The following PKD1 variants were observed in gnomAD, a reference collection of about 807,000 sequenced individuals.
PKD1 encodes the protein polycystin-1.
A neutral mutation model predicts 361.7 loss-of-function variants in PKD1; 81 were observed. The observed-to-expected ratio is 0.22, with a 90% CI of 0.19 to 0.27. PKD1 has a LOEUF of 0.27. PKD1 is among the 10% of genes least tolerant of loss of function. The pLI is 1.00. For synonymous variants in PKD1, 3,615 were observed against 2,818.3 expected, an observed-to-expected ratio of 1.28 and a Z score of -8.95; for missense variants, 6,399 against 6,118.3, an observed-to-expected ratio of 1.05 and a Z score of -1.53.
At chr16:2,114,068 G>A (rs914920250) in intron 11 of PKD1, 102 bp downstream of exon 11, 1 of 999,632 alleles carries the variant, frequency 1.0e-6, no homozygotes, top group Non-Finnish European at 1.5e-6. Context: ...CCAGTAACTG[G>A]GCTGCTGCCC....
Position 2,093,043 on chromosome 16 carries a change from A to G in PKD1, c.11067T>C (p.Tyr3689=), listed in dbSNP as rs1374313185. 2.5e-6 allele frequency: 4 copies of G among 1,612,896 alleles called. No individual in the cohort carries two copies. The highest frequency in any genetic ancestry group is 1.7e-5 in the Admixed American group (1 of 60,024). Residue 3689 remains tyrosine, a synonymous_variant, in exon 38 of 46, where the codon TAT becomes TAC. Coordinates refer to ENST00000262304, the MANE Select transcript of PKD1 (RefSeq NM_001009944.3). ...CGTGCCCATGGCATGAGGCATCCCC[A>G]TAGCTGGCCAGCAGGGTCACCAGCA... is the stretch of plus-strand genomic sequence containing the variant. ...LFLLVTLLAS[Y]GDASCHGHAY... is the part of the protein sequence containing the mutation.
chr16:2,091,237 C>G (rs1216719032), intron 42 of PKD1, 63 bp from the exon 43 acceptor site: 3 of 588,974 alleles, frequency 5.1e-6, no homozygotes, highest in Non-Finnish European at 6.8e-6. Context: ...TGCGAGGGGG[C>G]GGGACGCTGC....
At chr16:2,128,432 A>C (rs2092825353) in intron 1 of PKD1, among the ~76,000 whole-genome samples, 1 of 151,442 alleles carries the variant, frequency 6.6e-6, no homozygotes, top group South Asian at 2.1e-4. Flanking sequence ...TCGCAGCCCG[A>C]CTCGGAAGCG....
chr16:2,105,486 A>AG lies in PKD1; in HGVS notation c.7864-13dup. On this transcript the variant is annotated splice_polypyrimidine_tract_variant and intron_variant, in intron 20 of 45. Transcript: ENST00000262304. ...AGGGCCCGCTCGTACTGGGGCAGGC[A>AG]GGGGGCACAGCAAGCTGTCAGCAGC... 1.9e-6 allele frequency: 3 copies of AG among 1,595,178 alleles called. No individual in the cohort carries two copies. Among genetic ancestry groups the AG allele is most frequent in the African/African-American group, 2.7e-5 (2 of 74,824 alleles).
Position 2,116,541 on chromosome 16 carries a change from G to C in PKD1, c.1710C>G (p.His570Gln), listed in dbSNP as rs367983387. 6.5e-7 allele frequency: 1 copy of C among 1,540,804 alleles called. No homozygotes were observed. The highest frequency in any genetic ancestry group is 1.4e-5 in the African/African-American group (1 of 73,242). Residue 570 changes from histidine (H) to glutamine (Q), a missense_variant, in exon 8 of 46, where the codon CAC becomes CAG. Transcript: ENST00000262304. The part of the protein sequence containing the change: ...LAQQDGLSAP[H>Q]EPVEVMVFPG... ...GGGGGCCGACTACCTCCACGGGCTC[G>C]TGCGGGGCTGAGAGGCCGTCCTGCT...
At chr16:2,096,802 C>T (rs1315584303) in intron 34 of PKD1, 3 of 339,226 alleles carry the variant, frequency 8.8e-6, no homozygotes, top group South Asian at 3.1e-5. Context: ...CACGTGTGAG[C>T]CACCGCGCCC....
Position 2,098,175 on chromosome 16 carries a change from A to G in PKD1, c.10051-191T>C, listed in dbSNP as rs2091925889. The G allele has an allele frequency of 2.2e-5, 13 of 602,314 alleles. No individual in the cohort carries two copies. The South Asian group carries it at 2.3e-4, about 11-fold the overall frequency. 37.3% of individuals were successfully genotyped at this position (602,314 alleles called of 1,614,324 possible). A position where few individuals can be genotyped will look rare whatever the true frequency, so the allele number is the denominator to read the frequency against. ...CGCGACGTGTGCCACTGAACACTTG[A>G]CAGCAGACTGGTGCAGCTAAGGAAC... On this transcript the variant is annotated intron_variant, in intron 30 of 45. Transcript: ENST00000262304.
rs1354655507 is a variant in PKD1 at position 2,103,851 on chromosome 16, G to A, written c.8206C>T (p.Pro2736Ser). 2.5e-6 allele frequency: 4 copies of A among 1,606,424 alleles called. No homozygotes were observed. Among genetic ancestry groups the A allele is most frequent in the Non-Finnish European group, 2.5e-6 (3 of 1,178,464 alleles). Residue 2736 changes from proline (P) to serine (S), a missense_variant, in exon 23 of 46, where the codon CCC becomes TCC. Transcript: ENST00000262304. ...LASSDVRAPQPSELGAESPSR... is the reference protein window; with the variant it reads ...LASSDVRAPQSSELGAESPSR... ...GGTGACTCGGCTCCCAGCTCTGAGG[G>A]CTGTGGTGCCCGCACGTCCGAGCTG...
Position 2,109,521 on chromosome 16 carries a change from C to T in PKD1, c.5646G>A (p.Thr1882=), listed in dbSNP as rs374707831. The T allele has an allele frequency of 7.2e-5, 116 of 1,610,546 alleles. No homozygotes were observed. The highest frequency in any genetic ancestry group is 1.8e-4 in the Middle Eastern group (1 of 5,484). Residue 1882 remains threonine, a synonymous_variant, in exon 15 of 46, where the codon ACG becomes ACA. Coordinates refer to ENST00000262304, the MANE Select transcript of PKD1 (RefSeq NM_001009944.3). ...VSWVSATYNL[T]AEEPIVGLVL... ...CCAGGCCCACGATGGGCTCCTCCGC[C>T]GTGAGGTTGTACGTGGCTGAGACCC...
At chr16:2,126,263 T>G (rs1394841623) in intron 1 of PKD1, among the ~76,000 whole-genome samples, 2 of 152,266 alleles carry the variant, frequency 1.3e-5, no homozygotes, top group African/African-American at 4.8e-5. Flanking sequence ...CTGGCCTCAT[T>G]CCTGCCTCAA....
chr16:2,113,632 C>T (rs541388139), intron 11 of PKD1: 23 of 424,342 alleles, frequency 5.4e-5, no homozygotes, highest in Non-Finnish European at 7.9e-5. Context: ...CCAGAGAGCT[C>T]GGAGCAGTGA....
At position 2,094,168 on chromosome 16, in the gene PKD1, C is replaced by G; in HGVS notation, c.10542G>C (p.Gln3514His). The change falls in exon 35 of 46, where the codon CAG (glutamine) becomes CAC (histidine). Residue 3514 changes from glutamine to histidine, a missense_variant. Coordinates refer to ENST00000262304, the MANE Select transcript of PKD1 (RefSeq NM_001009944.3). ...TGGGTGGCCCCAGCTCCCCCAGCCTCTGCAGCGCCAGCGTCTCTGTCTTCT... is the reference window on the plus strand; with the variant it reads ...TGGGTGGCCCCAGCTCCCCCAGCCTGTGCAGCGCCAGCGTCTCTGTCTTCT... ...PGEKTETLAL[Q>H]RLGELGPPSP... 1 of 1,605,990 alleles carries G rather than the reference C, an allele frequency of 6.2e-7. No homozygotes were observed. Among genetic ancestry groups the G allele is most frequent in the East Asian group, 2.2e-5 (1 of 44,754 alleles).
chr16:2,116,826 C>T lies in PKD1; in HGVS notation c.1606+7G>A, dbSNP rs918805991. 11 of 1,512,576 alleles carry T rather than the reference C, an allele frequency of 7.3e-6. No individual in the cohort carries two copies. The Admixed American group carries it at 7.8e-5, about 11-fold the overall frequency. The allele number at this position is 1,512,576 out of a possible 1,614,324, so 93.7% of individuals were successfully genotyped here. A position where few individuals can be genotyped will look rare whatever the true frequency, so the allele number is the denominator to read the frequency against. ...CGTCTCAGGCCCCTGCCTGGCCCCC[C>T]GCACACCTCCGGGCTGCAGCTCGCA... On this transcript the variant is annotated splice_region_variant and intron_variant, in intron 7 of 45. Coordinates refer to ENST00000262304, the MANE Select transcript of PKD1 (RefSeq NM_001009944.3).
In PKD1 at chr16:2,097,716, T is replaced by C. The variant is rs1405891008; in HGVS notation, c.10220+12A>G. ...CCTGCACCAGGGCTCGAGGTTTCTC[T>C]AGGGAACCCACCTCTTAGAATCATC... On this transcript the variant is annotated intron_variant, in intron 32 of 45. Coordinates refer to ENST00000262304, the MANE Select transcript of PKD1 (RefSeq NM_001009944.3). The C allele has an allele frequency of 6.2e-7, 1 of 1,610,644 alleles. No individual in the cohort carries two copies. Among genetic ancestry groups the C allele is most frequent in the South Asian group, 1.1e-5 (1 of 90,980 alleles).
At chr16:2,115,080 A>C (rs2092607876) in intron 10 of PKD1, 155 bp from the exon 11 acceptor site, 2 of 985,168 alleles carry the variant, frequency 2.0e-6, no homozygotes, top group Non-Finnish European at 2.4e-6. Context: ...CAGGCAGGAC[A>C]GTTGCAGACC....
At chr16:2,101,416 G>C (rs1200563706) in intron 26 of PKD1, among the ~76,000 whole-genome samples, 1 of 152,162 alleles carries the variant, frequency 6.6e-6, no homozygotes, top group Admixed American at 6.5e-5. Context: ...GGCAGGCCGA[G>C]GCAGGCGGAT....
intron 1 of PKD1, among the ~76,000 whole-genome samples, chr16:2,129,315 A>T (rs1000243757): frequency 6.7e-6 from 1 of 148,812 alleles, no homozygotes; most frequent in Non-Finnish European, 1.5e-5. Flanking sequence ...GCCACCACTA[A>T]TATCTATTTA....
intron 30 of PKD1, chr16:2,099,330 T>C (rs2091987739): frequency 2.5e-6 from 1 of 401,540 alleles, no homozygotes; most frequent in African/African-American, 2.1e-5. Context: ...TGAGATTTTC[T>C]TCTGGAGTGC....
chr16:2,091,394 G>A (rs778896704), intron 42 of PKD1, 29 bp downstream of exon 42: 28,559 of 1,079,490 alleles, frequency 0.026, 869 homozygotes, highest in Non-Finnish European at 0.03. Context: ...CCGGTGGGAG[G>A]CGCGGGGTCT....
Sources: allele counts gnomAD v4.1 joint callset (sites outside exome capture counted in the v4.1 genomes callset), GRCh38; gene constraint gnomAD v4.1.1; transcripts MANE v1.5; gene names NCBI Gene and HGNC (gene_info 2026-07-23, HGNC 2026-07-21).